The following DMD variants were observed in gnomAD, a reference collection of about 807,000 sequenced individuals.
DMD encodes the protein dystrophin.
A neutral mutation model predicts 330.1 loss-of-function variants in DMD; 63 were observed. The ratio of observed to expected loss-of-function variants is 0.19; its 90% confidence interval spans 0.16 to 0.24. DMD has a LOEUF of 0.24. Ranked by LOEUF, DMD falls within the 10% of genes least tolerant of loss-of-function variation. DMD has a pLI of 1.00. For synonymous variants in DMD, 1,223 were observed against 959.8 expected (o/e 1.27, Z -5.07); for missense variants, 3,344 against 2,684.1 (o/e 1.25, Z -5.43).
intron 44 of DMD, among the ~76,000 whole-genome samples, chrX:32,192,652 T>C (rs2096981039): frequency 2.7e-5 from 3 of 112,075 alleles, no homozygotes; most frequent in African/African-American, 9.7e-5. Flanking sequence ...CAGTGGCCTT[T>C]AGACTCTGGA....
At position 31,470,933 on chromosome X, in the gene DMD, G is replaced by A. The variant is rs1304783913; in HGVS notation, c.8937+7173C>T. On this transcript the variant is annotated intron_variant, in intron 59 of 78. Transcript: ENST00000357033. The stretch of plus-strand genomic sequence containing the variant: ...CTCCGCCCAGTTAGAACTTCTTGAC[G>A]GCTTTGTTTACACTGTGAGGGGAAA... 4.5e-5 allele frequency among the ~76,000 whole-genome samples: 5 copies of A among 112,057 alleles called. 1 individual carries two copies. The highest frequency in any genetic ancestry group is 1.9e-4 in the Admixed American group (2 of 10,629).
At chrX:33,048,840 T>A (rs748593431) in intron 1 of DMD, among the ~76,000 whole-genome samples, 2 of 110,776 alleles carry the variant, frequency 1.8e-5, no homozygotes, top group Admixed American at 1.9e-4. Flanking sequence ...AGAAAAGTAT[T>A]GCCAGAGCTT....
At chrX:32,925,144 G>GT (rs1569542891) in intron 2 of DMD, among the ~76,000 whole-genome samples, 2 of 75,082 alleles carry the variant, frequency 2.7e-5, no homozygotes, top group East Asian at 7.0e-4. Flanking sequence ...AAAAACTCTG[G>GT]GTTTTTTTTT....
chrX:31,746,955 C>T (rs1449670300), intron 51 of DMD, among the ~76,000 whole-genome samples: 2 of 111,695 alleles, frequency 1.8e-5, no homozygotes, highest in Admixed American at 1.9e-4. Context: ...TCAAAATAAA[C>T]AACATCCTTT....
chrX:31,922,263 G>C (rs2094700651), intron 47 of DMD, among the ~76,000 whole-genome samples: 1 of 111,400 alleles, frequency 9.0e-6, no homozygotes, highest in African/African-American at 3.3e-5. Flanking sequence ...CACTCAGGGA[G>C]GGCATGGAAG....
intron 42 of DMD, among the ~76,000 whole-genome samples, chrX:32,300,618 G>A (rs968503484): frequency 2.7e-5 from 3 of 111,401 alleles, no homozygotes; most frequent in Non-Finnish European, 5.7e-5. Context: ...TGTACACATC[G>A]CCTAAATCAT....
intron 21 of DMD, among the ~76,000 whole-genome samples, chrX:32,484,692 C>T (rs1294577076): frequency 8.9e-6 from 1 of 112,029 alleles, no homozygotes; most frequent in African/African-American, 3.2e-5. Flanking sequence ...AAGCTATTCC[C>T]ATACAAAACA....
At chrX:32,722,983 T>C (rs780331407) in intron 7 of DMD, among the ~76,000 whole-genome samples, 1 of 110,803 alleles carries the variant, frequency 9.0e-6, no homozygotes, top group African/African-American at 3.3e-5. Flanking sequence ...GTGGTAAGAG[T>C]GGGCATCCTT....
intron 2 of DMD, among the ~76,000 whole-genome samples, chrX:32,910,061 A>G (rs1235784705): frequency 8.9e-6 from 1 of 112,006 alleles, no homozygotes. Context: ...ATCTATTTCT[A>G]AAATTTCTAA....
At chrX:32,946,536 A>T (rs977653577) in intron 2 of DMD, among the ~76,000 whole-genome samples, 1 of 112,176 alleles carries the variant, frequency 8.9e-6, no homozygotes, top group African/African-American at 3.2e-5. Context: ...TAAAAATTAT[A>T]TCATATGATC....
chrX:33,253,147 A>T, intron 1 of DMD, among the ~76,000 whole-genome samples: 1 of 103,725 alleles, frequency 9.6e-6, no homozygotes, highest in Middle Eastern at 4.7e-3. Context: ...TAAACACAGC[A>T]AAATCTTATG....
chrX:31,729,572 T>C (rs1018712301), intron 52 of DMD, 59 bp downstream of exon 52: 22 of 909,131 alleles, frequency 2.4e-5, no homozygotes, highest in Middle Eastern at 2.6e-4. Flanking sequence ...AACTTAAGTT[T>C]TTATTGAAAC....
intron 43 of DMD, among the ~76,000 whole-genome samples, chrX:32,220,289 T>G (rs776021152): frequency 8.9e-6 from 1 of 112,281 alleles, no homozygotes; most frequent in South Asian, 3.7e-4. Flanking sequence ...ATGCTGTCAC[T>G]TTATAAATAT....
intron 9 of DMD, among the ~76,000 whole-genome samples, chrX:32,652,893 T>G (rs909782441): frequency 8.9e-6 from 1 of 112,316 alleles, no homozygotes; most frequent in Non-Finnish European, 1.9e-5. Context: ...GGTTTTGATT[T>G]GCATTTCTCT....
rs367806451 is a variant in DMD at position 31,368,026 on chromosome X, G to T, written c.9085-19392C>A. Reference sequence around the variant, plus strand: ...TTGTCAGCCCACCTGTGATTCCAGTGTCAGCAGTAGTGGACGGTTCTGTGC... The same window carrying T: ...TTGTCAGCCCACCTGTGATTCCAGTTTCAGCAGTAGTGGACGGTTCTGTGC... On this transcript the variant is annotated intron_variant, in intron 60 of 78. Transcript: ENST00000357033. Among the ~76,000 whole-genome samples the T allele has an allele frequency of 7.1e-5, 8 of 111,939 alleles. No individual in the cohort carries two copies. In the East Asian group the frequency reaches 2.2e-3, roughly 31 times the overall value.
At chrX:31,855,749 A>G (rs1734387158) in intron 48 of DMD, among the ~76,000 whole-genome samples, 1 of 111,429 alleles carries the variant, frequency 9.0e-6, no homozygotes, top group Admixed American at 9.6e-5. Flanking sequence ...CAGCAACAAT[A>G]TATCTGCATT....
chrX:32,370,357 G>A (rs1603631869), intron 34 of DMD, among the ~76,000 whole-genome samples: 2 of 109,791 alleles, frequency 1.8e-5, no homozygotes, highest in South Asian at 7.7e-4. Context: ...CATGGCTAGA[G>A]GTTTAGGACA....
intron 44 of DMD, among the ~76,000 whole-genome samples, chrX:31,995,616 C>G (rs1279807777): frequency 9.0e-6 from 1 of 111,150 alleles, no homozygotes; most frequent in African/African-American, 3.3e-5. Flanking sequence ...GGGGAATAAG[C>G]AAGGGAGAAA....
intron 43 of DMD, among the ~76,000 whole-genome samples, chrX:32,253,112 C>G (rs528373992): frequency 9.5e-6 from 1 of 105,513 alleles, no homozygotes; most frequent in East Asian, 3.0e-4. Context: ...TTTAAGGATA[C>G]AGAGATTAAA....
Sources: allele counts gnomAD v4.1 joint callset (sites outside exome capture counted in the v4.1 genomes callset), GRCh38; gene constraint gnomAD v4.1.1; transcripts MANE v1.5; gene names NCBI Gene and HGNC (gene_info 2026-07-23, HGNC 2026-07-21).